TENM2: variants seen among roughly 807,000 people sequenced by gnomAD.
The protein encoded by TENM2 is teneurin-2.
In TENM2, 52 loss-of-function variants were observed where a neutral mutation model predicts 245.2. The ratio of observed to expected loss-of-function variants is 0.21; its 90% CI spans 0.17 to 0.27. The LOEUF (loss-of-function observed/expected upper bound fraction) is 0.27. Among genes scored for constraint, TENM2 ranks in the 10% least tolerant of loss-of-function variants. The pLI, the probability that TENM2 is intolerant of heterozygous loss-of-function variation, is 1.00. For missense variants in TENM2, 3,046 were observed against 3,666.8 expected (o/e 0.83, Z 4.37); for synonymous variants, 1,363 against 1,438.9 (o/e 0.95, Z 1.19).
chr5:167,905,514 G>C (rs536639307), intron 3 of TENM2, among the ~76,000 whole-genome samples: 1 of 152,298 alleles, frequency 6.6e-6, no homozygotes, highest in Non-Finnish European at 1.5e-5. Context: ...AACTCCACAG[G>C]AGGGGGCTAG....
intron 2 of TENM2, among the ~76,000 whole-genome samples, chr5:167,558,579 C>A (rs572899340): frequency 6.6e-6 from 1 of 152,080 alleles, no homozygotes; most frequent in Admixed American, 6.5e-5. Flanking sequence ...TTATGAAATG[C>A]GCATGCATGG....
At chr5:168,009,410 G>C (rs189400607) in intron 5 of TENM2, among the ~76,000 whole-genome samples, 22 of 152,266 alleles carry the variant, frequency 1.4e-4, no homozygotes, top group African/African-American at 4.8e-4. Context: ...CTGACTTACC[G>C]TACCAGGCTG....
chr5:167,184,892 T>A, the TENM2 span, among the ~76,000 whole-genome samples: 1 of 152,196 alleles, frequency 6.6e-6, no homozygotes, highest in Non-Finnish European at 1.5e-5. Flanking sequence ...CAGAAAACAC[T>A]TAGCTTTTCC....
At chr5:167,885,265 A>G (rs1227230844) in intron 3 of TENM2, among the ~76,000 whole-genome samples, 2 of 152,134 alleles carry the variant, frequency 1.3e-5, no homozygotes, top group South Asian at 2.1e-4. Flanking sequence ...GTGGTCCAGT[A>G]TATCTATTTT....
the TENM2 span, among the ~76,000 whole-genome samples, chr5:167,232,962 A>C: frequency 6.6e-6 from 1 of 152,250 alleles, no homozygotes; most frequent in African/African-American, 2.4e-5. Context: ...CTGGAGATAC[A>C]AAGTACTCTA....
chr5:166,988,803 T>A, the TENM2 span, among the ~76,000 whole-genome samples: 1 of 152,186 alleles, frequency 6.6e-6, no homozygotes, highest in South Asian at 2.1e-4. Flanking sequence ...ATGTGGCTGC[T>A]TGCACAATGC....
At chr5:168,228,896 A>AT in intron 25 of TENM2, among the ~76,000 whole-genome samples, 1 of 147,080 alleles carries the variant, frequency 6.8e-6, no homozygotes, top group Non-Finnish European at 1.5e-5. Context: ...TTTATATTAC[A>AT]TTTTTATATT....
intron 5 of TENM2, among the ~76,000 whole-genome samples, chr5:168,024,582 A>G (rs189540178): frequency 5.6e-4 from 85 of 152,330 alleles, no homozygotes; most frequent in Non-Finnish European, 1.1e-3. Context: ...GTTTTTAATT[A>G]GCTCCATGTG....
intron 8 of TENM2, among the ~76,000 whole-genome samples, chr5:168,095,979 G>T (rs1489280221): frequency 6.6e-6 from 1 of 152,154 alleles, no homozygotes; most frequent in Non-Finnish European, 1.5e-5. Flanking sequence ...TATGTCATGG[G>T]TTGCACTGCA....
At chr5:167,436,275 CA>C (rs1347401460) in intron 2 of TENM2, among the ~76,000 whole-genome samples, 2 of 151,826 alleles carry the variant, frequency 1.3e-5, no homozygotes, top group Non-Finnish European at 2.9e-5. Flanking sequence ...TTAGTAGAGA[CA>C]GGATTTTCCC....
chr5:167,753,547 A>T (rs1762095919), intron 2 of TENM2, among the ~76,000 whole-genome samples: 1 of 152,204 alleles, frequency 6.6e-6, no homozygotes, highest in Non-Finnish European at 1.5e-5. Context: ...TTTTACATGT[A>T]TTAATGCAAT....
intron 1 of TENM2, among the ~76,000 whole-genome samples, chr5:167,307,631 C>G (rs1041470192): frequency 1.3e-5 from 2 of 152,156 alleles, no homozygotes; most frequent in Non-Finnish European, 2.9e-5. Flanking sequence ...AGAGCAAGAA[C>G]CCTAACTCCC....
At chr5:167,639,966 C>T (rs1779448560) in intron 2 of TENM2, among the ~76,000 whole-genome samples, 1 of 152,156 alleles carries the variant, frequency 6.6e-6, no homozygotes, top group African/African-American at 2.4e-5. Flanking sequence ...ATATTTGCAT[C>T]TATGATTTGT....
intron 3 of TENM2, among the ~76,000 whole-genome samples, chr5:167,933,559 A>G (rs978671292): frequency 6.6e-6 from 1 of 152,204 alleles, no homozygotes; most frequent in Non-Finnish European, 1.5e-5. Flanking sequence ...TGGAATTATT[A>G]TATCCACACA....
At chr5:167,449,425 C>A (rs1669031556) in intron 2 of TENM2, among the ~76,000 whole-genome samples, 1 of 151,880 alleles carries the variant, frequency 6.6e-6, no homozygotes, top group African/African-American at 2.4e-5. Flanking sequence ...GACATAACGC[C>A]TCAACAAGAG....
At chr5:168,034,158 TATATGTATATATATAC>T (rs1787442425) in intron 5 of TENM2, among the ~76,000 whole-genome samples, 1 of 102,956 alleles carries the variant, frequency 9.7e-6, no homozygotes, top group Admixed American at 1.2e-4. Flanking sequence ...TGTGTATATA[TATATGTATATATATAC>T]ACACACACAC....
chr5:167,315,331 T>C (rs1376946745), intron 1 of TENM2, among the ~76,000 whole-genome samples: 2 of 152,188 alleles, frequency 1.3e-5, no homozygotes, highest in East Asian at 3.8e-4. Context: ...TTTGTTAACT[T>C]ATGTTTAAAC....
chr5:167,070,284 A>T, the TENM2 span, among the ~76,000 whole-genome samples: 3 of 99,348 alleles, frequency 3.0e-5, no homozygotes, highest in Non-Finnish European at 3.6e-5. Context: ...CGCCCGGCTA[A>T]TTTTTTTTTT....
intron 5 of TENM2, among the ~76,000 whole-genome samples, chr5:168,042,723 G>A (rs953941746): frequency 1.1e-4 from 17 of 152,196 alleles, no homozygotes; most frequent in African/African-American, 3.6e-4. Context: ...CTCACTCCAC[G>A]TAGGTCTGTT....
Sources: allele counts gnomAD v4.1 joint callset (sites outside exome capture counted in the v4.1 genomes callset), GRCh38; gene constraint gnomAD v4.1.1; transcripts MANE v1.5; gene names NCBI Gene and HGNC (gene_info 2026-07-23, HGNC 2026-07-21).